The following LIN52 variants were observed in gnomAD, a reference collection of about 807,000 sequenced individuals.
The protein encoded by LIN52 is lin-52 DREAM MuvB core complex component.
A neutral mutation model predicts 18.5 loss-of-function variants in LIN52; 4 were observed. The ratio of observed to expected loss-of-function variants is 0.22; its 90% CI spans 0.11 to 0.49. The LOEUF is 0.49. LIN52 is among the 20% of genes least tolerant of loss of function. The probability of loss-of-function intolerance (pLI) is 0.97; values close to 1 mark genes in which losing one functional copy is unlikely to be tolerated. For synonymous variants in LIN52, 34 were observed against 45.5 expected, an observed-to-expected ratio of 0.75 and a Z score of 1.02; for missense variants, 102 against 139.5, an observed-to-expected ratio of 0.73 and a Z score of 1.35.
chr14:74,113,687 A>G (rs569736352), intron 5 of LIN52, among the ~76,000 whole-genome samples: 13 of 152,278 alleles, frequency 8.5e-5, no homozygotes, highest in African/African-American at 2.6e-4. Context: ...AAAGTATCTT[A>G]ATGCTGTCAA....
At chr14:74,194,593 C>T (rs1041184645) in intron 5 of LIN52, among the ~76,000 whole-genome samples, 5 of 152,142 alleles carry the variant, frequency 3.3e-5, no homozygotes, top group African/African-American at 7.2e-5. Context: ...TAGCCAGTCC[C>T]CTCTCCACAC....
At chr14:74,167,883 T>C (rs945275543) in intron 5 of LIN52, among the ~76,000 whole-genome samples, 1 of 152,156 alleles carries the variant, frequency 6.6e-6, no homozygotes, top group Non-Finnish European at 1.5e-5. Context: ...CTACCTTGAC[T>C]ACACCATGGG....
In LIN52 at chr14:74,193,232, A is replaced by G. The variant is rs2078890217; in HGVS notation, c.284-5690A>G. Among the ~76,000 whole-genome samples, 3 of 140,934 alleles carry G rather than the reference A, an allele frequency of 2.1e-5. No homozygotes were observed. In the Admixed American group the frequency reaches 2.3e-4, roughly 11 times the overall value. 92.5% of individuals were successfully genotyped at this position (140,934 alleles called of 152,430 possible). A position where few individuals can be genotyped will look rare whatever the true frequency, so the allele number is the denominator to read the frequency against. ...CTTCCATGCTTGAAGCTAGTAGTTC[A>G]AGATCCTGTCTCCACAAAAAAAAAA... On this transcript the variant is annotated intron_variant, in intron 5 of 5. Transcript: ENST00000555028.
chr14:74,124,265 A>G (rs2061015399), intron 5 of LIN52, among the ~76,000 whole-genome samples: 1 of 152,208 alleles, frequency 6.6e-6, no homozygotes, highest in African/African-American at 2.4e-5. Context: ...GATGTAGTAC[A>G]TCTACAGAAT....
chr14:74,137,500 T>C (rs72725970), intron 5 of LIN52, among the ~76,000 whole-genome samples: 45 of 68,100 alleles, frequency 6.6e-4, no homozygotes, highest in South Asian at 9.7e-4. Flanking sequence ...GCAGCTCTCT[T>C]TTTTTTTTTT....
Position 74,135,467 on chromosome 14 carries a change from A to G in LIN52, c.283+34229A>G, listed in dbSNP as rs548597642. Reference sequence around the variant, plus strand: ...CTATAGTCAGCCCACAAGTCCAAATAATATACTGAGCAATTAAGTTGATTT... The same window carrying G: ...CTATAGTCAGCCCACAAGTCCAAATGATATACTGAGCAATTAAGTTGATTT... On this transcript the variant is annotated intron_variant, in intron 5 of 5. Coordinates refer to ENST00000555028, the MANE Select transcript of LIN52 (RefSeq NM_001024674.3). Among the ~76,000 whole-genome samples the G allele has an allele frequency of 2.4e-4, 36 of 152,254 alleles. No individual in the cohort carries two copies. The South Asian group carries it at 6.8e-3, about 29-fold the overall frequency.
At chr14:74,101,895 C>G (rs2060859178) in intron 5 of LIN52, among the ~76,000 whole-genome samples, 1 of 152,178 alleles carries the variant, frequency 6.6e-6, no homozygotes, top group Admixed American at 6.5e-5. Context: ...ACCTTAGCCT[C>G]TGAAGTAGCT....
chr14:74,172,180 A>G (rs918016708), intron 5 of LIN52, among the ~76,000 whole-genome samples: 1 of 152,146 alleles, frequency 6.6e-6, no homozygotes, highest in African/African-American at 2.4e-5. Context: ...TTCTTCTGTT[A>G]CAGCACTGTC....
rs1354280341 is a variant in LIN52 at position 74,199,172 on chromosome 14, G to A, written c.*195G>A. The A allele has an allele frequency of 1.5e-5, 7 of 467,724 alleles. No individual in the cohort carries two copies. The highest frequency in any genetic ancestry group is 9.8e-5 in the East Asian group (3 of 30,478). The allele number at this position is 467,724 out of a possible 1,614,324, so 29.0% of individuals were successfully genotyped here. A position where few individuals can be genotyped will look rare whatever the true frequency, so the allele number is the denominator to read the frequency against. On this transcript the variant is annotated 3_prime_UTR_variant, in exon 6 of 6. Coordinates refer to ENST00000555028, the MANE Select transcript of LIN52 (RefSeq NM_001024674.3). ...AAGAGAAGAATCTGCTCTACCCAAG[G>A]ATCATTGCAGTTACTCAATCAACTT... is the stretch of plus-strand genomic sequence containing the variant.
chr14:74,114,401 T>C, intron 5 of LIN52: 16 of 985,368 alleles, frequency 1.6e-5, no homozygotes, highest in Non-Finnish European at 1.9e-5. Context: ...GGTGAAGGAT[T>C]GAGAGCTTGA....
intron 5 of LIN52, among the ~76,000 whole-genome samples, chr14:74,155,635 G>A (rs910061156): frequency 2.0e-5 from 3 of 152,310 alleles, no homozygotes; most frequent in South Asian, 4.1e-4. Flanking sequence ...AGACTCCGTC[G>A]TAGTAGAAAA....
At chr14:74,116,004 G>A (rs4903186) in intron 5 of LIN52, among the ~76,000 whole-genome samples, 82,124 of 152,016 alleles carry the variant, frequency 0.54, 23,102 homozygotes, top group East Asian at 0.89. Flanking sequence ...TGCAGAAAGT[G>A]TGATAAATAA....
intron 2 of LIN52, among the ~76,000 whole-genome samples, chr14:74,093,834 G>A (rs530739502): frequency 2.0e-5 from 3 of 152,280 alleles, no homozygotes; most frequent in Admixed American, 2.0e-4. Context: ...GAGCGTGGTG[G>A]CACATGCCTG....
At chr14:74,156,908 G>A (rs80167384) in intron 5 of LIN52, among the ~76,000 whole-genome samples, 15 of 152,014 alleles carry the variant, frequency 9.9e-5, no homozygotes, top group South Asian at 2.1e-4. Flanking sequence ...TTATCTTTCC[G>A]TGCCTGGCTT....
chr14:74,174,269 A>G (rs34379626), intron 5 of LIN52, among the ~76,000 whole-genome samples: 16,994 of 152,248 alleles, frequency 0.11, 1,243 homozygotes, highest in Admixed American at 0.19. Flanking sequence ...TGAACATCAT[A>G]GTGTGTTCTT....
intron 5 of LIN52, among the ~76,000 whole-genome samples, chr14:74,175,520 C>T (rs1172176276): frequency 1.3e-5 from 2 of 150,726 alleles, no homozygotes; most frequent in Non-Finnish European, 2.9e-5. Context: ...TAGCAAGACC[C>T]TGTCTCTACA....
chr14:74,136,141 C>A (rs972846280), intron 5 of LIN52, among the ~76,000 whole-genome samples: 1 of 152,178 alleles, frequency 6.6e-6, no homozygotes, highest in African/African-American at 2.4e-5. Flanking sequence ...CCTAACAAAA[C>A]CTAGAGTTAT....
rs530655719 is a variant in LIN52, at chr14:74,180,504, C to T, written c.284-18418C>T. Among the ~76,000 whole-genome samples the T allele has an allele frequency of 2.0e-3, 311 of 151,932 alleles. 2 individuals carry two copies. The highest frequency in any genetic ancestry group is 7.2e-3 in the African/African-American group (297 of 41,456). On this transcript the variant is annotated intron_variant, in intron 5 of 5. Coordinates refer to ENST00000555028, the MANE Select transcript of LIN52 (RefSeq NM_001024674.3). ...CGATCTCCTGACCTCGTGATCCACT[C>T]GCCTCGGCCTCCCAAAGTACTGGGA...
chr14:74,192,297 GT>G (rs1042840037), intron 5 of LIN52, among the ~76,000 whole-genome samples: 27 of 151,802 alleles, frequency 1.8e-4, no homozygotes, highest in African/African-American at 5.6e-4. Flanking sequence ...TTTGTTTTTT[GT>G]TTTTTGAGAC....
Sources: allele counts gnomAD v4.1 joint callset (sites outside exome capture counted in the v4.1 genomes callset), GRCh38; gene constraint gnomAD v4.1.1; transcripts MANE v1.5; gene names NCBI Gene and HGNC (gene_info 2026-07-23, HGNC 2026-07-21).